Variants in PASD1 observed in about 807,000 individuals in gnomAD.
PASD1 encodes the protein PAS domain containing repressor 1.
PASD1 carries 13 observed loss-of-function variants against 58.8 expected under a neutral mutation model. That is an observed-to-expected ratio of 0.22 (90% CI 0.14 to 0.35). The LOEUF (loss-of-function observed/expected upper bound fraction) is 0.35. Ranked by LOEUF, PASD1 falls within the 10% of genes least tolerant of loss-of-function variation. PASD1 has a pLI of 1.00. For synonymous variants in PASD1, 236 were observed against 216.7 expected, an observed-to-expected ratio of 1.09 and a Z score of -0.78; for missense variants, 734 against 568.3, an observed-to-expected ratio of 1.29 and a Z score of -2.96.
chrX:151,589,173 G>A (rs746023629), intron 1 of PASD1, among the ~76,000 whole-genome samples: 4 of 111,375 alleles, frequency 3.6e-5, no homozygotes, highest in African/African-American at 6.5e-5. Context: ...TCACTTCTGC[G>A]CAGATCATTA....
Position 151,676,231 on chromosome X carries a change from T to A in PASD1, c.*88T>A. On this transcript the variant is annotated 3_prime_UTR_variant, in exon 16 of 16. Coordinates refer to ENST00000370357, the MANE Select transcript of PASD1 (RefSeq NM_173493.3). Reference sequence around the variant, plus strand: ...ATGGCCAGGGGACCTTCAAGGTGCGTAAAGTCCCTTGGGGTAGGGTTTAGT... The same window carrying A: ...ATGGCCAGGGGACCTTCAAGGTGCGAAAAGTCCCTTGGGGTAGGGTTTAGT... The A allele has an allele frequency of 1.0e-6, 1 of 991,272 alleles. No homozygotes were observed. Among genetic ancestry groups the A allele is most frequent in the Non-Finnish European group, 1.4e-6 (1 of 725,524 alleles). The allele number at this position is 991,272 out of a possible 1,213,427, so 81.7% of individuals were successfully genotyped here.
rs202044764 is a variant in PASD1, at chrX:151,622,586, TACACACAC to T, written c.419-326_419-319del. Among the ~76,000 whole-genome samples, 15 of 96,766 alleles carry T rather than the reference TACACACAC, an allele frequency of 1.6e-4. No individual in the cohort carries two copies. The East Asian group carries it at 4.1e-3, about 26-fold the overall frequency. 84.0% of individuals were successfully genotyped at this position (96,766 alleles called of 115,157 possible). A position where few individuals can be genotyped will look rare whatever the true frequency, so the allele number is the denominator to read the frequency against. On this transcript the variant is annotated intron_variant, in intron 6 of 15. Transcript: ENST00000370357. ...CTTACTTGACTCTGTGTGCACAGAT[TACACACAC>T]ACACACACACACACACACACACACT... is the stretch of plus-strand genomic sequence containing the variant.
intron 1 of PASD1, among the ~76,000 whole-genome samples, chrX:151,564,483 A>T (rs956840107): frequency 9.1e-6 from 1 of 110,440 alleles, no homozygotes; most frequent in Non-Finnish European, 1.9e-5. Flanking sequence ...TTATGTCAGG[A>T]TGTGTATTTG....
intron 1 of PASD1, among the ~76,000 whole-genome samples, chrX:151,572,326 A>C (rs901563173): frequency 3.6e-5 from 4 of 111,529 alleles, no homozygotes; most frequent in African/African-American, 1.3e-4. Flanking sequence ...TGCCCATAGT[A>C]TGTTTGGGGG....
At chrX:151,653,804 TTCCTTCCTTCCTTCCTTCCTTCC>T (rs2014182027) in intron 9 of PASD1, among the ~76,000 whole-genome samples, 1 of 11,162 alleles carries the variant, frequency 9.0e-5, no homozygotes, top group Non-Finnish European at 2.6e-4. Flanking sequence ...CTTTCTTTCC[TTCCTTCCTTCCTTCCTTCCTTCC>T]TTCCTTCCTT....
At position 151,601,584 on chromosome X, in the gene PASD1, AT is replaced by A; in HGVS notation, c.28+4del. 1 of 1,209,184 alleles carries A rather than the reference AT, an allele frequency of 8.3e-7. No individual in the cohort carries two copies. Among genetic ancestry groups the A allele is most frequent in the Non-Finnish European group, 1.1e-6 (1 of 893,249 alleles). ...GATGAGAGGGGAAAAGAGAAGAGGT[AT>A]GCATTCATAACTGACTGACATTTCT... On this transcript the variant is annotated splice_donor_region_variant and intron_variant, in intron 2 of 15. Transcript: ENST00000370357.
intron 8 of PASD1, among the ~76,000 whole-genome samples, chrX:151,626,259 G>A (rs993123694): frequency 9.0e-6 from 1 of 111,400 alleles, no homozygotes; most frequent in African/African-American, 3.3e-5. Flanking sequence ...AATTATACAG[G>A]CATTCCTCTT....
intron 1 of PASD1, among the ~76,000 whole-genome samples, chrX:151,572,924 G>A (rs922924657): frequency 9.8e-6 from 1 of 101,598 alleles, no homozygotes; most frequent in Non-Finnish European, 2.0e-5. Context: ...GCATGGTATT[G>A]GCTTCTGGAT....
chrX:151,576,143 CAGA>C (rs1373238351), intron 1 of PASD1, among the ~76,000 whole-genome samples: 1 of 109,920 alleles, frequency 9.1e-6, no homozygotes, highest in Non-Finnish European at 1.9e-5. Flanking sequence ...GCTAGGATTA[CAGA>C]TGTGAGCCAT....
At chrX:151,598,021 C>T (rs1319332818) in intron 1 of PASD1, among the ~76,000 whole-genome samples, 1 of 112,396 alleles carries the variant, frequency 8.9e-6, no homozygotes, top group Non-Finnish European at 1.9e-5. Flanking sequence ...TGAGCCACTG[C>T]GCCCGGCCAA....
intron 15 of PASD1, among the ~76,000 whole-genome samples, chrX:151,674,990 G>A (rs1048937101): frequency 8.9e-6 from 1 of 111,922 alleles, no homozygotes; most frequent in Non-Finnish European, 1.9e-5. Flanking sequence ...TGGTCACTTA[G>A]AGGGACTGCT....
chrX:151,577,171 AAG>A (rs201200504), intron 1 of PASD1, among the ~76,000 whole-genome samples: 8 of 110,420 alleles, frequency 7.2e-5, no homozygotes, highest in Middle Eastern at 4.7e-3. Context: ...CTCGTCTTGA[AAG>A]AGAGAGAGAG....
intron 9 of PASD1, among the ~76,000 whole-genome samples, chrX:151,655,467 C>T (rs1403136266): frequency 8.9e-6 from 1 of 112,100 alleles, no homozygotes; most frequent in South Asian, 3.7e-4. Flanking sequence ...TACAGTCCCA[C>T]CAACAGTGTA....
chrX:151,619,089 G>T (rs1243031744), intron 4 of PASD1, among the ~76,000 whole-genome samples: 3 of 111,025 alleles, frequency 2.7e-5, no homozygotes, highest in African/African-American at 9.8e-5. Context: ...GAGCAGTTAC[G>T]GCTACTGCAG....
At chrX:151,653,168 ATG>A (rs1230897746) in intron 9 of PASD1, among the ~76,000 whole-genome samples, 1 of 103,104 alleles carries the variant, frequency 9.7e-6, no homozygotes, top group Non-Finnish European at 2.0e-5. Context: ...GAAAATATAT[ATG>A]TGTGTGTGTG....
Position 151,607,290 on chromosome X carries a change from A to G in PASD1, c.117+2556A>G, listed in dbSNP as rs139527821. On this transcript the variant is annotated intron_variant, in intron 3 of 15. Transcript: ENST00000370357. Reference sequence around the variant, plus strand: ...TTTTTCAATTCATCCATGATATTGCATGTAACTCTAGTGCATTCATTTTTA... The same window carrying G: ...TTTTTCAATTCATCCATGATATTGCGTGTAACTCTAGTGCATTCATTTTTA... Among the ~76,000 whole-genome samples the G allele has an allele frequency of 5.7e-3, 640 of 112,090 alleles. 1 individual carries two copies. Among genetic ancestry groups the G allele is most frequent in the Non-Finnish European group, 9.3e-3 (495 of 53,237 alleles).
chrX:151,581,358 A>G (rs753801188), intron 1 of PASD1, among the ~76,000 whole-genome samples: 1 of 110,166 alleles, frequency 9.1e-6, no homozygotes, highest in South Asian at 4.0e-4. Context: ...TGGGAGACCA[A>G]TGCAGGAGGA....
At chrX:151,607,113 T>C (rs2013498619) in intron 3 of PASD1, among the ~76,000 whole-genome samples, 1 of 112,011 alleles carries the variant, frequency 8.9e-6, no homozygotes, top group Admixed American at 9.5e-5. Flanking sequence ...GAGTTCTGTA[T>C]CAATATTTCT....
intron 10 of PASD1, among the ~76,000 whole-genome samples, chrX:151,660,805 C>T (rs951557912): frequency 8.9e-6 from 1 of 112,450 alleles, no homozygotes; most frequent in African/African-American, 3.2e-5. Context: ...GGGTTTCTCA[C>T]TATCACTTAC....
Sources: allele counts gnomAD v4.1 joint callset (sites outside exome capture counted in the v4.1 genomes callset), GRCh38; gene constraint gnomAD v4.1.1; transcripts MANE v1.5; gene names NCBI Gene and HGNC (gene_info 2026-07-23, HGNC 2026-07-21).